FKBP15: variants seen among roughly 807,000 people sequenced by gnomAD.
FKBP15 encodes FK506-binding protein 15.
Under a neutral mutation model 158.1 loss-of-function variants are expected in FKBP15, and 106 were observed. The observed-to-expected ratio is 0.67, with a 90% confidence interval of 0.57 to 0.79. FKBP15 has a LOEUF of 0.79. Among genes scored for constraint, FKBP15 ranks in the 30% least tolerant of loss-of-function variants. FKBP15 has a pLI of 0.00. For synonymous variants in FKBP15, 547 were observed against 548.6 expected (o/e 1.00, Z 0.04); for missense variants, 1,287 against 1,479.1 (o/e 0.87, Z 2.13).
chr9:113,166,633 G>A (rs763802603), intron 27 of FKBP15, among the ~76,000 whole-genome samples: 15 of 152,328 alleles, frequency 9.8e-5, no homozygotes, highest in African/African-American at 3.4e-4. Flanking sequence ...CTGGCTCTGG[G>A]TGTGATCCCA....
chr9:113,202,678 G>C, intron 5 of FKBP15, 49 bp from the exon 6 acceptor site: 1 of 1,416,718 alleles, frequency 7.1e-7, no homozygotes, highest in Non-Finnish European at 9.7e-7. Flanking sequence ...TATTATACCA[G>C]ATAAACATGA....
chr9:113,210,859 G>A (rs1031923503), intron 2 of FKBP15, among the ~76,000 whole-genome samples: 3 of 152,136 alleles, frequency 2.0e-5, no homozygotes, highest in East Asian at 1.9e-4. Context: ...TTCTGCCGTC[G>A]AACATCAGAC....
chr9:113,220,712 G>A (rs1587982914), intron 1 of FKBP15, among the ~76,000 whole-genome samples: 1 of 152,304 alleles, frequency 6.6e-6, no homozygotes. Context: ...ATAAGGAAGA[G>A]AAAGCAATTC....
intron 1 of FKBP15, among the ~76,000 whole-genome samples, chr9:113,212,707 G>A (rs1831034123): frequency 6.6e-6 from 1 of 152,064 alleles, no homozygotes; most frequent in South Asian, 2.1e-4. Flanking sequence ...TTAACCCCTT[G>A]GGCTCTTCTT....
chr9:113,221,252 CT>C lies in FKBP15; in HGVS notation c.-10del. On this transcript the variant is annotated 5_prime_UTR_variant, in exon 1 of 28. Coordinates refer to ENST00000238256, the MANE Select transcript of FKBP15 (RefSeq NM_015258.2). ...TCCCCCGCACCGAACATTGCGTTGG[CT>C]TTCACCGGGTTGCGGGGAGGAAGCT... The C allele has an allele frequency of 6.2e-7, 1 of 1,603,790 alleles. No homozygotes were observed. The highest frequency in any genetic ancestry group is 8.5e-7 in the Non-Finnish European group (1 of 1,175,456).
Position 113,168,553 on chromosome 9 carries a change from G to A in FKBP15, c.3489C>T (p.Leu1163=), listed in dbSNP as rs768674975. 24 of 1,613,638 alleles carry A rather than the reference G, an allele frequency of 1.5e-5. 1 individual carries two copies. In the South Asian group the frequency reaches 2.2e-4, roughly 15 times the overall value. The change falls in exon 27 of 28, where the codon CTC becomes CTT. Residue 1163 remains leucine, a synonymous_variant. Transcript: ENST00000238256. ...RPSHHSQRSS[L]SGDEEDELFK... ...ACAGTTCATCCTCTTCATCCCCAGA[G>A]AGACTGAAGGAAAATCAAGTCATAG...
At chr9:113,188,345 G>T in intron 13 of FKBP15, 44 bp downstream of exon 13, 1 of 1,427,538 alleles carries the variant, frequency 7.0e-7, no homozygotes, top group Non-Finnish European at 9.9e-7. Context: ...TAATTTTCAT[G>T]CTGACCCAGT....
chr9:113,171,794 G>T, intron 23 of FKBP15, 88 bp from the exon 24 acceptor site: 38 of 1,091,312 alleles, frequency 3.5e-5, no homozygotes, highest in East Asian at 2.2e-4. Context: ...CAAACATCAA[G>T]TCTCTTTTTT....
chr9:113,161,804 C>G lies in FKBP15; in HGVS notation c.*4274G>C. The G allele has an allele frequency of 7.8e-7, 1 of 1,289,772 alleles. No homozygotes were observed. 79.9% of individuals were successfully genotyped at this position (1,289,772 alleles called of 1,614,324 possible). On this transcript the variant is annotated 3_prime_UTR_variant, in exon 28 of 28. Transcript: ENST00000238256. The stretch of plus-strand genomic sequence containing the variant: ...CACTTCACAGAGAGGACAGCGAGGC[C>G]CAGGGAAGGACCAGGACTTGCCAAA...
In FKBP15 at chr9:113,184,624, T is replaced by C. The variant is rs1182501307; in HGVS notation, c.1608+71A>G. 8.1e-7 allele frequency: 1 copy of C among 1,240,960 alleles called. No homozygotes were observed. Among genetic ancestry groups the C allele is most frequent in the East Asian group, 2.5e-5 (1 of 39,834 alleles). The allele number at this position is 1,240,960 out of a possible 1,614,324, so 76.9% of individuals were successfully genotyped here. A position where few individuals can be genotyped will look rare whatever the true frequency, so the allele number is the denominator to read the frequency against. ...CCAATGCAGGAAATCAAAGAAGAGT[T>C]TACCTACAGTTCTGGCTGCTCCCTG... On this transcript the variant is annotated intron_variant, in intron 16 of 27. Transcript: ENST00000238256. This position sits in a 1 kb window ranked among gnomAD's most constrained non-coding sequence, Gnocchi z 4.5.
chr9:113,190,475 AT>A lies in FKBP15; in HGVS notation c.1168del (p.Ile390SerfsTer4). On this transcript the variant is annotated frameshift_variant, in exon 12 of 28. Transcript: ENST00000238256. LOFTEE classifies it high-confidence loss of function. ...PPQLDSNDSE[I>X]EDVNTLQGGG... ...AATACAGCCAGGGGGACATACTTCG[AT>A]TTCTGAATCATTGGAATCCAGCTGT... The A allele has an allele frequency of 6.2e-7, 1 of 1,608,166 alleles. No individual in the cohort carries two copies. Among genetic ancestry groups the A allele is most frequent in the Non-Finnish European group, 8.5e-7 (1 of 1,176,968 alleles).
chr9:113,192,504 C>T (rs1830594940), intron 11 of FKBP15, among the ~76,000 whole-genome samples: 1 of 152,152 alleles, frequency 6.6e-6, no homozygotes, highest in South Asian at 2.1e-4. Flanking sequence ...CATTCAAATC[C>T]AGATTTTACT....
chr9:113,176,399 G>T, intron 21 of FKBP15, 138 bp downstream of exon 21: 1 of 987,336 alleles, frequency 1.0e-6, no homozygotes, highest in African/African-American at 1.6e-5. Context: ...TTAGAGCGGG[G>T]AAAATTTTTT....
chr9:113,213,279 C>T (rs1016950460), intron 1 of FKBP15, among the ~76,000 whole-genome samples: 5 of 151,902 alleles, frequency 3.3e-5, no homozygotes, highest in African/African-American at 4.8e-5. Context: ...CGTGGTGGCA[C>T]GCACCTGTAA....
chr9:113,196,605 G>T (rs899012757), intron 9 of FKBP15, among the ~76,000 whole-genome samples: 1 of 151,954 alleles, frequency 6.6e-6, no homozygotes, highest in Non-Finnish European at 1.5e-5. Context: ...GGATGGTCTC[G>T]ATCTCCTCAC....
chr9:113,161,364 A>T lies in FKBP15; in HGVS notation c.*4714T>A. The T allele has an allele frequency of 1.4e-6, 1 of 734,216 alleles. No individual in the cohort carries two copies. Among genetic ancestry groups the T allele is most frequent in the African/African-American group, 1.8e-5 (1 of 56,460 alleles). The allele number at this position is 734,216 out of a possible 1,614,324, so 45.5% of individuals were successfully genotyped here. On this transcript the variant is annotated 3_prime_UTR_variant, in exon 28 of 28. Transcript: ENST00000238256. ...CAGCTAAGAAAAGTCTGGTGAAGAC[A>T]GTGAAGAAGTTCGGAACTCAGCAAG...
intron 9 of FKBP15, among the ~76,000 whole-genome samples, chr9:113,195,106 A>G (rs1318906890): frequency 6.6e-6 from 1 of 152,212 alleles, no homozygotes; most frequent in Non-Finnish European, 1.5e-5. Flanking sequence ...CCATTATTGG[A>G]ACGCTAAGCT....
At chr9:113,214,125 G>T (rs1191709100) in intron 1 of FKBP15, among the ~76,000 whole-genome samples, 1 of 152,082 alleles carries the variant, frequency 6.6e-6, no homozygotes, top group African/African-American at 2.4e-5. Context: ...CTCTCAAGAA[G>T]CTGGGACTAC....
chr9:113,217,648 C>T (rs1831166372), intron 1 of FKBP15, among the ~76,000 whole-genome samples: 1 of 151,920 alleles, frequency 6.6e-6, no homozygotes. Context: ...TCAAGACTAG[C>T]CTGAGCAATA....
Sources: gnomAD v4.1 joint callset for allele counts (sites outside exome capture counted in the v4.1 genomes callset) on GRCh38, gnomAD v4.1.1 for gene constraint, Gnocchi (gnomAD v3.1) non-coding constraint, MANE v1.5 for transcripts, NCBI Gene and HGNC (gene_info 2026-07-23, HGNC 2026-07-21) for gene names.